Variants in SPAG1 observed in about 807,000 individuals in gnomAD.
The protein encoded by SPAG1 is sperm associated antigen 1, also known as sperm-associated antigen 1.
Under a neutral mutation model 100.5 loss-of-function variants are expected in SPAG1, and 69 were observed. The observed-to-expected ratio is 0.69, with a 90% CI of 0.57 to 0.84. The LOEUF (loss-of-function observed/expected upper bound fraction) is 0.84, where lower values mean the gene tolerates loss of function less well. Ranked by LOEUF, SPAG1 falls within the 40% of genes least tolerant of loss-of-function variation. The pLI is 0.00. For missense variants in SPAG1, 955 were observed against 1,133.1 expected, an observed-to-expected ratio of 0.84 and a Z score of 2.26; for synonymous variants, 336 against 411.6, an observed-to-expected ratio of 0.82 and a Z score of 2.22.
chr8:100,206,586 C>G (rs1472059448), intron 10 of SPAG1, among the ~76,000 whole-genome samples: 1 of 152,162 alleles, frequency 6.6e-6, no homozygotes, highest in African/African-American at 2.4e-5. Flanking sequence ...CCTTCTACCT[C>G]AGTAAAATTT....
intron 14 of SPAG1, among the ~76,000 whole-genome samples, chr8:100,227,352 G>GA (rs1259362228): frequency 5.9e-5 from 9 of 152,150 alleles, no homozygotes; most frequent in African/African-American, 2.2e-4. Flanking sequence ...ACAAAGCTTA[G>GA]AAACTCCATA....
At chr8:100,175,539 G>A (rs1294065343) in intron 3 of SPAG1, among the ~76,000 whole-genome samples, 1 of 152,072 alleles carries the variant, frequency 6.6e-6, no homozygotes, top group East Asian at 1.9e-4. Flanking sequence ...GTCTGCCTCA[G>A]CTTCCAAAGT....
At chr8:100,205,065 T>C (rs1586476308) in intron 10 of SPAG1, among the ~76,000 whole-genome samples, 1 of 152,190 alleles carries the variant, frequency 6.6e-6, no homozygotes, top group Non-Finnish European at 1.5e-5. Flanking sequence ...ACTTAATTTA[T>C]ACAAGCAGAA....
chr8:100,165,709 A>T (rs907050831), intron 2 of SPAG1, 105 bp from the exon 3 acceptor site: 4 of 800,450 alleles, frequency 5.0e-6, no homozygotes, highest in Non-Finnish European at 6.0e-6. Context: ...AGCCCTTGAG[A>T]TCTCCACAGA....
chr8:100,177,811 C>G lies in SPAG1; in HGVS notation c.301-5C>G. On this transcript the variant is annotated splice_polypyrimidine_tract_variant and splice_region_variant and intron_variant, in intron 3 of 18. Transcript: ENST00000388798. ...CTATATATTTACCCTTTTCTCTATT[C>G]TCAGAGTTGGGTATCAGAAATTAAA... 1 of 1,463,296 alleles carries G rather than the reference C, an allele frequency of 6.8e-7. No homozygotes were observed. Among genetic ancestry groups the G allele is most frequent in the Non-Finnish European group, 9.5e-7 (1 of 1,049,340 alleles). The allele number at this position is 1,463,296 out of a possible 1,614,324, so 90.6% of individuals were successfully genotyped here.
intron 3 of SPAG1, among the ~76,000 whole-genome samples, chr8:100,176,361 TTTTC>T (rs1364217701): frequency 1.8e-4 from 27 of 152,080 alleles, no homozygotes; most frequent in African/African-American, 4.6e-4. Context: ...TTCTTTTTTT[TTTTC>T]TTTCTTTCTT....
intron 10 of SPAG1, among the ~76,000 whole-genome samples, chr8:100,206,747 C>A (rs1439079177): frequency 1.3e-5 from 2 of 152,214 alleles, no homozygotes; most frequent in Non-Finnish European, 2.9e-5. Context: ...CCTGGTGTCA[C>A]AAGGCCTATT....
At position 100,213,436 on chromosome 8, in the gene SPAG1, C is replaced by T; in HGVS notation, c.1435+8C>T. On this transcript the variant is annotated splice_region_variant and intron_variant, in intron 11 of 18. Coordinates refer to ENST00000388798, the MANE Select transcript of SPAG1 (RefSeq NM_003114.5). ...CGCTCCTGGAGCCAGCAGGTAGGTGCGCCGCGCCCCGCCGCTTCCTGGGCC... is the reference window on the plus strand; with the variant it reads ...CGCTCCTGGAGCCAGCAGGTAGGTGTGCCGCGCCCCGCCGCTTCCTGGGCC... 1.4e-6 allele frequency: 2 copies of T among 1,385,204 alleles called. No homozygotes were observed. Among genetic ancestry groups the T allele is most frequent in the South Asian group, 3.2e-5 (2 of 62,334 alleles). The allele number at this position is 1,385,204 out of a possible 1,614,324, so 85.8% of individuals were successfully genotyped here.
intron 4 of SPAG1, among the ~76,000 whole-genome samples, chr8:100,179,479 G>A (rs1380021011): frequency 6.6e-6 from 1 of 152,200 alleles, no homozygotes; most frequent in African/African-American, 2.4e-5. Context: ...GCAATGGGGT[G>A]GATGGACTAG....
chr8:100,190,710 G>A (rs1165609270), intron 8 of SPAG1, among the ~76,000 whole-genome samples: 5 of 144,370 alleles, frequency 3.5e-5, no homozygotes, highest in Non-Finnish European at 7.5e-5. Context: ...TGTCACCCAG[G>A]CTGGAGTACA....
At chr8:100,180,244 A>G (rs1255061725) in intron 4 of SPAG1, among the ~76,000 whole-genome samples, 1 of 152,150 alleles carries the variant, frequency 6.6e-6, no homozygotes, top group African/African-American at 2.4e-5. Context: ...AGACTGAGGT[A>G]AGAGGATTGC....
chr8:100,160,932 A>G (rs990722578), intron 1 of SPAG1, among the ~76,000 whole-genome samples: 7 of 152,212 alleles, frequency 4.6e-5, no homozygotes, highest in African/African-American at 1.2e-4. Context: ...TAATCTGTGT[A>G]TGGCACACAG....
chr8:100,230,819 CCATGTTGGT>C (rs1818735621), intron 14 of SPAG1, among the ~76,000 whole-genome samples: 1 of 152,064 alleles, frequency 6.6e-6, no homozygotes, highest in African/African-American at 2.4e-5. Context: ...GATGGAGTTT[CCATGTTGGT>C]CAAGGTGGTC....
chr8:100,210,920 C>T (rs141405451), intron 10 of SPAG1, among the ~76,000 whole-genome samples: 2,383 of 151,864 alleles, frequency 0.016, 61 homozygotes, highest in African/African-American at 0.054. Flanking sequence ...CTCCACCTCC[C>T]GGGGTCCAAA....
chr8:100,184,553 A>G, intron 6 of SPAG1, 75 bp from the exon 7 acceptor site: 1 of 672,354 alleles, frequency 1.5e-6, no homozygotes, highest in South Asian at 2.6e-5. Context: ...TGTTAAAATA[A>G]GCATTCTTAG....
intron 10 of SPAG1, among the ~76,000 whole-genome samples, chr8:100,209,872 GTTTT>G (rs544002495): frequency 6.9e-6 from 1 of 144,462 alleles, no homozygotes; most frequent in East Asian, 2.0e-4. Flanking sequence ...TATTGCTCTA[GTTTT>G]TTTTGGTGGG....
intron 10 of SPAG1, among the ~76,000 whole-genome samples, chr8:100,199,530 C>A (rs1313459652): frequency 1.3e-5 from 2 of 152,176 alleles, no homozygotes; most frequent in Non-Finnish European, 2.9e-5. Context: ...ACTACAACCT[C>A]CGCCTCCCAG....
chr8:100,223,137 A>G (rs933863480), intron 13 of SPAG1, among the ~76,000 whole-genome samples: 3 of 152,200 alleles, frequency 2.0e-5, no homozygotes, highest in Non-Finnish European at 4.4e-5. Context: ...ATGCATGTAT[A>G]TATCATATCA....
chr8:100,198,082 T>A (rs1267677273), intron 10 of SPAG1, among the ~76,000 whole-genome samples: 1 of 152,196 alleles, frequency 6.6e-6, no homozygotes, highest in Non-Finnish European at 1.5e-5. Flanking sequence ...TCTATCTCCT[T>A]ACAGAGACGC....
Sources: allele counts gnomAD v4.1 joint callset (sites outside exome capture counted in the v4.1 genomes callset), GRCh38; gene constraint gnomAD v4.1.1; transcripts MANE v1.5; gene names NCBI Gene and HGNC (gene_info 2026-07-23, HGNC 2026-07-21).